The following RFX2 variants were observed in gnomAD, a reference collection of about 807,000 sequenced individuals.
RFX2 encodes the protein DNA-binding protein RFX2.
RFX2 carries 20 observed loss-of-function variants against 87.8 expected under a neutral mutation model. The observed-to-expected ratio is 0.23, with a 90% CI of 0.16 to 0.33. The LOEUF is 0.33. RFX2 is among the 10% of genes least tolerant of loss of function. The pLI is 1.00. For synonymous variants in RFX2, 397 were observed against 431.3 expected, an observed-to-expected ratio of 0.92 and a Z score of 0.98; for missense variants, 767 against 1,012.3, an observed-to-expected ratio of 0.76 and a Z score of 3.29.
intron 1 of RFX2, among the ~76,000 whole-genome samples, chr19:6,066,985 G>C (rs745307388): frequency 2.0e-5 from 3 of 152,096 alleles, no homozygotes; most frequent in Admixed American, 6.5e-5. Flanking sequence ...CTAAGAGAAA[G>C]GCAAATAATC....
rs965605630 is a variant in RFX2, at chr19:6,024,006, C to T, written c.597+2157G>A. 2.0e-5 allele frequency among the ~76,000 whole-genome samples: 3 copies of T among 152,190 alleles called. No homozygotes were observed. The highest frequency in any genetic ancestry group is 7.2e-5 in the African/African-American group (3 of 41,452). On this transcript the variant is annotated intron_variant, in intron 6 of 17. Transcript: ENST00000303657. This position sits in a 1 kb window ranked among gnomAD's most constrained non-coding sequence, Gnocchi z 5.0. ...TGTTGGTCAGGCTGGTCTGGAACTC[C>T]TGACCTCAAGTGGTACACCCGCCTT...
At chr19:6,095,676 G>A (rs1029820944) in intron 1 of RFX2, among the ~76,000 whole-genome samples, 1 of 152,070 alleles carries the variant, frequency 6.6e-6, no homozygotes, top group African/African-American at 2.4e-5. Context: ...GGGAATAAAG[G>A]GGGAAATAGG....
At position 6,039,376 on chromosome 19, in the gene RFX2, G is replaced by A. The variant is rs2087070457; in HGVS notation, c.522+604C>T. On this transcript the variant is annotated intron_variant, in intron 5 of 17. Transcript: ENST00000303657. This position sits in a 1 kb window ranked among gnomAD's most constrained non-coding sequence, Gnocchi z 5.2. ...AGGGCAATGCACTGTTCTGTGACCT[G>A]ATTATACACAAATCTACCCATGTCA... 6.6e-6 allele frequency among the ~76,000 whole-genome samples: 1 copy of A among 152,200 alleles called. No individual in the cohort carries two copies. Among genetic ancestry groups the A allele is most frequent in the Admixed American group, 6.5e-5 (1 of 15,276 alleles).
In RFX2 at chr19:6,002,034, G is replaced by GGCAGA. The variant is rs768087606; in HGVS notation, c.1651-16_1651-12dup. On this transcript the variant is annotated splice_polypyrimidine_tract_variant and intron_variant, in intron 14 of 17. Coordinates refer to ENST00000303657, the MANE Select transcript of RFX2 (RefSeq NM_000635.4). This position sits in a 1 kb window ranked among gnomAD's most constrained non-coding sequence, Gnocchi z 6.7. ...CCACGAGGCCTGCTCCTGTGGGCAG[G>GGCAGA]GCAGAGGCCAGTGTCAGCAATGTGG... 19 of 1,592,078 alleles carry GGCAGA rather than the reference G, an allele frequency of 1.2e-5. No homozygotes were observed. In the African/African-American group the frequency reaches 2.5e-4, roughly 21 times the overall value.
intron 1 of RFX2, among the ~76,000 whole-genome samples, chr19:6,096,392 A>C (rs1197677412): frequency 6.6e-6 from 1 of 152,194 alleles, no homozygotes; most frequent in Non-Finnish European, 1.5e-5. Context: ...TAAAGAATGT[A>C]TGCTCATAGT....
At chr19:6,037,755 A>G (rs968884608) in intron 5 of RFX2, among the ~76,000 whole-genome samples, 9 of 152,204 alleles carry the variant, frequency 5.9e-5, no homozygotes, top group African/African-American at 2.2e-4. Flanking sequence ...TCAATTTTAG[A>G]CTTACTATAA....
At chr19:6,062,398 C>T (rs892684127) in intron 1 of RFX2, among the ~76,000 whole-genome samples, 19 of 152,040 alleles carry the variant, frequency 1.2e-4, no homozygotes, top group African/African-American at 4.1e-4. Flanking sequence ...TCAGAAAGGG[C>T]GAGCCATGAG....
At chr19:5,995,711 G>T in intron 16 of RFX2, 68 bp from the exon 17 acceptor site, 1 of 1,401,968 alleles carries the variant, frequency 7.1e-7, no homozygotes, top group Non-Finnish European at 9.9e-7. Flanking sequence ...GGGCTCGGGG[G>T]ATGCCGGCCC....
intron 1 of RFX2, among the ~76,000 whole-genome samples, chr19:6,059,073 T>C (rs114055175): frequency 0.017 from 2,660 of 152,094 alleles, 76 homozygotes; most frequent in African/African-American, 0.06. Flanking sequence ...TCGACCTCCC[T>C]GGCTCAAGTG....
chr19:6,011,793 G>A lies in RFX2; in HGVS notation c.899+1193C>T, dbSNP rs1027146754. Among the ~76,000 whole-genome samples, 4 of 152,226 alleles carry A rather than the reference G, an allele frequency of 2.6e-5. No homozygotes were observed. The highest frequency in any genetic ancestry group is 9.6e-5 in the African/African-American group (4 of 41,454). ...GTTTTTGAGCCACACACATACACGG[G>A]TGGCTCTGTGCAGAGGGTCCAGCAC... On this transcript the variant is annotated intron_variant, in intron 8 of 17. Transcript: ENST00000303657. This position sits in a 1 kb window ranked among gnomAD's most constrained non-coding sequence, Gnocchi z 4.8.
At chr19:6,042,877 A>G (rs551068571) in intron 3 of RFX2, among the ~76,000 whole-genome samples, 1 of 152,250 alleles carries the variant, frequency 6.6e-6, no homozygotes, top group African/African-American at 2.4e-5. Flanking sequence ...CCCAGAGGGC[A>G]TCTTAGTGGC....
At chr19:6,051,530 AG>A (rs2087266099) in intron 1 of RFX2, among the ~76,000 whole-genome samples, 1 of 152,334 alleles carries the variant, frequency 6.6e-6, no homozygotes, top group South Asian at 2.1e-4. Context: ...ATATACAAAA[AG>A]GTATAGCTAA....
At chr19:6,015,487 T>C (rs1256558190) in intron 7 of RFX2, among the ~76,000 whole-genome samples, 2 of 149,264 alleles carry the variant, frequency 1.3e-5, no homozygotes, top group South Asian at 2.1e-4. Flanking sequence ...AGAGGCTACA[T>C]TTTGTTTGTT....
chr19:6,048,183 C>T (rs554787546), intron 1 of RFX2, among the ~76,000 whole-genome samples: 10 of 152,312 alleles, frequency 6.6e-5, no homozygotes, highest in African/African-American at 1.9e-4. Context: ...AGCAAAGAAA[C>T]AGTACATTTT....
intron 1 of RFX2, among the ~76,000 whole-genome samples, chr19:6,052,866 AAAATTTG>A (rs1430773095): frequency 6.6e-6 from 1 of 152,220 alleles, no homozygotes; most frequent in Non-Finnish European, 1.5e-5. Flanking sequence ...ACTTTGTATC[AAAATTTG>A]TGGGCACTGG....
rs776704752 is a variant in RFX2, at chr19:6,011,205, T to C, written c.900-954A>G. The stretch of plus-strand genomic sequence containing the variant: ...GCGTGAATCACAAACATCTTATTAT[T>C]GGTGCAATCTTAGAAGTTCTGAGAC... On this transcript the variant is annotated intron_variant, in intron 8 of 17. Coordinates refer to ENST00000303657, the MANE Select transcript of RFX2 (RefSeq NM_000635.4). The surrounding 1 kb of genome is among the most constrained non-coding windows in gnomAD (Gnocchi z 4.8). Among the ~76,000 whole-genome samples, 1 of 152,184 alleles carries C rather than the reference T, an allele frequency of 6.6e-6. No homozygotes were observed. Among genetic ancestry groups the C allele is most frequent in the Non-Finnish European group, 1.5e-5 (1 of 68,030 alleles).
Position 6,069,994 on chromosome 19 carries a change from A to G in RFX2, c.-8-22490T>C, listed in dbSNP as rs191152342. Among the ~76,000 whole-genome samples the G allele has an allele frequency of 1.7e-5, 2 of 114,370 alleles. 1 individual carries two copies. The highest frequency in any genetic ancestry group is 3.8e-5 in the Non-Finnish European group (2 of 53,006). 75.0% of individuals were successfully genotyped at this position (114,370 alleles called of 152,430 possible). On this transcript the variant is annotated intron_variant, in intron 1 of 17. Transcript: ENST00000303657. ...AAGTGGATGTTCTTTCATGGATGGG[A>G]TGGGATGGGATGTGGATGGGATGGG...
intron 1 of RFX2, among the ~76,000 whole-genome samples, chr19:6,062,721 G>C (rs1428123991): frequency 6.6e-6 from 1 of 152,268 alleles, no homozygotes; most frequent in African/African-American, 2.4e-5. Flanking sequence ...GTATGAGCTC[G>C]AACTGGACTT....
intron 5 of RFX2, among the ~76,000 whole-genome samples, chr19:6,038,257 G>A (rs1473508029): frequency 2.1e-5 from 3 of 145,358 alleles, no homozygotes; most frequent in East Asian, 4.4e-4. Context: ...AACCCGGGAG[G>A]TGGAGGTTGC....
Sources: gnomAD v4.1 joint callset for allele counts (sites outside exome capture counted in the v4.1 genomes callset) on GRCh38, gnomAD v4.1.1 for gene constraint, Gnocchi (gnomAD v3.1) non-coding constraint, MANE v1.5 for transcripts, NCBI Gene and HGNC (gene_info 2026-07-23, HGNC 2026-07-21) for gene names.